ABL2: variants seen among roughly 807,000 people sequenced by gnomAD.
The protein encoded by ABL2 is ABL proto-oncogene 2, non-receptor tyrosine kinase.
In ABL2, 49 loss-of-function variants were observed where a neutral mutation model predicts 107.7. The ratio of observed to expected loss-of-function variants is 0.45; its 90% CI spans 0.36 to 0.58. ABL2 has a LOEUF of 0.58. ABL2 is among the 20% of genes least tolerant of loss of function. ABL2 has a pLI of 0.00. For synonymous variants in ABL2, 549 were observed against 548.6 expected (o/e 1.00, Z -0.01); for missense variants, 1,245 against 1,457.0 (o/e 0.85, Z 2.37).
intron 1 of ABL2, among the ~76,000 whole-genome samples, chr1:179,175,450 T>C (rs1295393515): frequency 6.6e-6 from 1 of 152,224 alleles, no homozygotes; most frequent in East Asian, 1.9e-4. Flanking sequence ...CACTTGGAAC[T>C]GGCAGAGACC....
At chr1:179,122,898 G>A (rs1655361856) in intron 4 of ABL2, among the ~76,000 whole-genome samples, 1 of 152,058 alleles carries the variant, frequency 6.6e-6, no homozygotes, top group Admixed American at 6.6e-5. Context: ...AACCTCAAGT[G>A]ATCTGCCTGC....
chr1:179,108,627 T>C lies in ABL2; in HGVS notation c.2640A>G (p.Gly880=). ...TGGGGGCAGCTGCCACTCCAGCCACTCCCACCCCTGGAGGGTCCTTCTCTG... is the reference window on the plus strand; with the variant it reads ...TGGGGGCAGCTGCCACTCCAGCCACCCCCACCCCTGGAGGGTCCTTCTCTG... ...AITEKDPPGV[G]VAGVAAAPKG... Residue 880 remains glycine, a synonymous_variant, in exon 12 of 12, where the codon GGA becomes GGG. Coordinates refer to ENST00000502732, the MANE Select transcript of ABL2 (RefSeq NM_007314.4). The C allele has an allele frequency of 6.2e-7, 1 of 1,614,152 alleles. No homozygotes were observed. The highest frequency in any genetic ancestry group is 8.5e-7 in the Non-Finnish European group (1 of 1,180,024).
intron 1 of ABL2, among the ~76,000 whole-genome samples, chr1:179,199,425 C>T (rs1342090116): frequency 2.6e-5 from 4 of 152,112 alleles, no homozygotes; most frequent in Admixed American, 6.6e-5. Context: ...ACTAATCTTC[C>T]TATGCAACCT....
At chr1:179,184,638 AGATGAT>A (rs768138521) in intron 1 of ABL2, 89 of 509,016 alleles carry the variant, frequency 1.7e-4, no homozygotes, top group Middle Eastern at 4.9e-4. Context: ...ATGAGGAAGA[AGATGAT>A]GATGATGATA....
At chr1:179,197,021 A>C (rs540323818) in intron 1 of ABL2, among the ~76,000 whole-genome samples, 134 of 152,332 alleles carry the variant, frequency 8.8e-4, no homozygotes, top group African/African-American at 2.3e-3. Context: ...TGATACAAAA[A>C]TTGAATATAT....
intron 1 of ABL2, among the ~76,000 whole-genome samples, chr1:179,226,571 T>C (rs978613978): frequency 2.0e-5 from 3 of 152,066 alleles, no homozygotes; most frequent in African/African-American, 7.3e-5. Flanking sequence ...CCTCCCACAG[T>C]GCTGGGATTA....
chr1:179,218,525 T>G (rs895342710), intron 1 of ABL2, among the ~76,000 whole-genome samples: 2 of 152,124 alleles, frequency 1.3e-5, no homozygotes, highest in African/African-American at 4.8e-5. Context: ...GCCTCCCGAG[T>G]AGCTGGGACT....
intron 8 of ABL2, chr1:179,117,122 AC>A (rs1654723174): frequency 1.0e-5 from 6 of 583,590 alleles, no homozygotes; most frequent in Non-Finnish European, 1.8e-5. Context: ...AACGTGAGCC[AC>A]CACACCAGGC....
intron 1 of ABL2, among the ~76,000 whole-genome samples, chr1:179,150,076 AT>A (rs1242972437): frequency 1.1e-4 from 17 of 150,340 alleles, no homozygotes; most frequent in Admixed American, 8.0e-4. Context: ...TAAAAAAAAA[AT>A]TTTTTTTTTC....
intron 1 of ABL2, among the ~76,000 whole-genome samples, chr1:179,186,540 A>T (rs756207606): frequency 6.6e-6 from 1 of 150,990 alleles, no homozygotes; most frequent in South Asian, 2.1e-4. Flanking sequence ...CACCATGCCC[A>T]GCTAATTTTT....
intron 5 of ABL2, among the ~76,000 whole-genome samples, chr1:179,120,555 G>A (rs1655095761): frequency 6.6e-6 from 1 of 152,060 alleles, no homozygotes; most frequent in African/African-American, 2.4e-5. Context: ...CTCCCAAGTA[G>A]CTGGGATTAC....
intron 1 of ABL2, among the ~76,000 whole-genome samples, chr1:179,151,114 T>C (rs1658332420): frequency 6.6e-6 from 1 of 152,178 alleles, no homozygotes. Context: ...AAAAAAATTG[T>C]TTGACTCATT....
At chr1:179,117,240 A>G (rs1458485686) in intron 8 of ABL2, 92 bp downstream of exon 8, 1 of 1,267,422 alleles carries the variant, frequency 7.9e-7, no homozygotes, top group Non-Finnish European at 1.1e-6. Flanking sequence ...AAGGTAGAGG[A>G]TACTGAACAT....
intron 3 of ABL2, among the ~76,000 whole-genome samples, chr1:179,131,033 C>T (rs1411995257): frequency 7.3e-5 from 11 of 151,714 alleles, no homozygotes; most frequent in African/African-American, 2.4e-4. Flanking sequence ...CTCTGCCTCC[C>T]GAGTTCAAGT....
chr1:179,139,510 C>T (rs1657373906), intron 1 of ABL2, among the ~76,000 whole-genome samples: 1 of 152,214 alleles, frequency 6.6e-6, no homozygotes, highest in Admixed American at 6.5e-5. Flanking sequence ...AAGAACCCAC[C>T]AATTCCGGAC....
At chr1:179,111,754 T>G (rs1654100586) in intron 10 of ABL2, among the ~76,000 whole-genome samples, 1 of 152,062 alleles carries the variant, frequency 6.6e-6, no homozygotes, top group Non-Finnish European at 1.5e-5. Context: ...TGTCAATATA[T>G]CCAAGAAGGC....
chr1:179,205,249 AC>A (rs1163970055), intron 1 of ABL2, among the ~76,000 whole-genome samples: 3 of 151,916 alleles, frequency 2.0e-5, no homozygotes, highest in Non-Finnish European at 4.4e-5. Context: ...CTGGTCTCAA[AC>A]TTTTGACCTC....
rs756695431 is a variant in ABL2 at position 179,115,044 on chromosome 1, T to TA, written c.1409-15dup. On this transcript the variant is annotated splice_polypyrimidine_tract_variant and intron_variant, in intron 8 of 11. Transcript: ENST00000502732. ...ATACCCCAAAAGCTGCATAAGGAATTAAAAAAAGCACTTAGTGTTTCTTCT... is the reference window on the plus strand; with the variant it reads ...ATACCCCAAAAGCTGCATAAGGAATTAAAAAAAAGCACTTAGTGTTTCTTCT... 5 of 1,572,016 alleles carry TA rather than the reference T, an allele frequency of 3.2e-6. No individual in the cohort carries two copies. The highest frequency in any genetic ancestry group is 2.3e-5 in the East Asian group (1 of 44,290).
At chr1:179,223,202 C>T (rs536758169) in intron 1 of ABL2, among the ~76,000 whole-genome samples, 6 of 151,224 alleles carry the variant, frequency 4.0e-5, no homozygotes, top group African/African-American at 1.2e-4. Flanking sequence ...TCACTTGAGC[C>T]TAGGAATTTA....
Sources: gnomAD v4.1 joint callset for allele counts (sites outside exome capture counted in the v4.1 genomes callset) on GRCh38, gnomAD v4.1.1 for gene constraint, MANE v1.5 for transcripts, NCBI Gene and HGNC (gene_info 2026-07-23, HGNC 2026-07-21) for gene names.